Variants in FSTL4 observed in about 807,000 individuals in gnomAD.
The protein encoded by FSTL4 is follistatin-related protein 4.
FSTL4 carries 28 observed loss-of-function variants against 78.2 expected under a neutral mutation model. The observed-to-expected ratio is 0.36, with a 90% CI of 0.27 to 0.49. FSTL4 has a LOEUF of 0.49. Ranked by LOEUF, FSTL4 falls within the 20% of genes least tolerant of loss-of-function variation. FSTL4 has a pLI of 0.98. For synonymous variants in FSTL4, 422 were observed against 440.5 expected, an observed-to-expected ratio of 0.96 and a Z score of 0.53; for missense variants, 922 against 1,084.9, an observed-to-expected ratio of 0.85 and a Z score of 2.11.
At chr5:133,609,444 C>T (rs1761043322) in intron 1 of FSTL4, among the ~76,000 whole-genome samples, 1 of 152,142 alleles carries the variant, frequency 6.6e-6, no homozygotes, top group South Asian at 2.1e-4. Flanking sequence ...TCAACCCCAG[C>T]GTGAAACCAG....
At position 133,338,328 on chromosome 5, in the gene FSTL4, A is replaced by T. The variant is rs754901095; in HGVS notation, c.410-21676T>A. The stretch of plus-strand genomic sequence containing the variant: ...TCTGGACTGGCTCCTGCGGGAGAAC[A>T]CAAGAGTGGCCATGGAACTGGCCTC... On this transcript the variant is annotated intron_variant, in intron 4 of 15. Coordinates refer to ENST00000265342, the MANE Select transcript of FSTL4 (RefSeq NM_015082.2). This position sits in a 1 kb window ranked among gnomAD's most constrained non-coding sequence, Gnocchi z 4.0. Among the ~76,000 whole-genome samples the T allele has an allele frequency of 6.6e-6, 1 of 152,098 alleles. No homozygotes were observed. Among genetic ancestry groups the T allele is most frequent in the Non-Finnish European group, 1.5e-5 (1 of 68,006 alleles).
intron 6 of FSTL4, chr5:133,276,079 G>A (rs535570396): frequency 6.6e-6 from 1 of 152,310 alleles, no homozygotes; most frequent in African/African-American, 2.4e-5. Flanking sequence ...TTTTATGTTT[G>A]TACATATTTA....
At chr5:133,463,501 T>C (rs1302437080) in intron 3 of FSTL4, among the ~76,000 whole-genome samples, 1 of 152,252 alleles carries the variant, frequency 6.6e-6, no homozygotes, top group Non-Finnish European at 1.5e-5. Flanking sequence ...TCTTCACCAC[T>C]GGCCATCCAT....
At position 133,220,762 on chromosome 5, in the gene FSTL4, T is replaced by C; in HGVS notation, c.1444A>G (p.Ile482Val). The C allele has an allele frequency of 1.3e-6, 2 of 1,586,034 alleles. No individual in the cohort carries two copies. Among genetic ancestry groups the C allele is most frequent in the Non-Finnish European group, 1.7e-6 (2 of 1,154,360 alleles). The change falls in exon 12 of 16, where the codon ATT becomes GTT. Residue 482 changes from isoleucine to valine, a missense_variant. Physicochemically the swap from Ile to Val is conservative, Grantham distance 29. Transcript: ENST00000265342. ...CAGTTACTTACATAGCTCATGAAAA[T>C]CTTTTCCGTGGGTTTGAGGTGCCTC... ...IQRHLKPTEK[I>V]FMSYEEICPQ...
the FSTL4 span, among the ~76,000 whole-genome samples, chr5:133,830,124 C>A: frequency 1.3e-5 from 2 of 152,202 alleles, no homozygotes; most frequent in African/African-American, 2.4e-5. Flanking sequence ...CATCAGTGGA[C>A]AAATGGGCTA....
intron 4 of FSTL4, among the ~76,000 whole-genome samples, chr5:133,395,942 T>C (rs548429063): frequency 6.6e-6 from 1 of 152,314 alleles, no homozygotes; most frequent in South Asian, 2.1e-4. Context: ...GATTCTCCCC[T>C]TGCTTTTCTA....
At chr5:133,325,216 G>C (rs1265711991) in intron 4 of FSTL4, among the ~76,000 whole-genome samples, 1 of 152,196 alleles carries the variant, frequency 6.6e-6, no homozygotes, top group Non-Finnish European at 1.5e-5. Context: ...GATGAATTTG[G>C]CTATGGCATA....
intron 1 of FSTL4, among the ~76,000 whole-genome samples, chr5:133,606,361 C>T (rs1412122081): frequency 6.6e-6 from 1 of 152,080 alleles, no homozygotes; most frequent in Admixed American, 6.5e-5. Flanking sequence ...CTCAGGTGAT[C>T]CACCTGCTTC....
intron 3 of FSTL4, among the ~76,000 whole-genome samples, chr5:133,433,586 T>C (rs1362700636): frequency 2.0e-5 from 3 of 152,250 alleles, no homozygotes; most frequent in Non-Finnish European, 2.9e-5. Flanking sequence ...CAATGGAATT[T>C]ATATTCTCAT....
At chr5:133,618,732 A>G in the FSTL4 span, among the ~76,000 whole-genome samples, 1 of 152,368 alleles carries the variant, frequency 6.6e-6, no homozygotes, top group South Asian at 2.1e-4. Context: ...TGGCTGGCAA[A>G]TGGCAGAGCT....
At chr5:133,230,295 G>C (rs767905974) in intron 8 of FSTL4, among the ~76,000 whole-genome samples, 5 of 152,168 alleles carry the variant, frequency 3.3e-5, no homozygotes, top group Non-Finnish European at 7.3e-5. Flanking sequence ...ATCTGAGATG[G>C]GGCTGGAGGA....
chr5:133,347,779 A>G (rs1160488332), intron 4 of FSTL4, among the ~76,000 whole-genome samples: 3 of 152,212 alleles, frequency 2.0e-5, no homozygotes, highest in Non-Finnish European at 4.4e-5. Flanking sequence ...CTCCCTTACT[A>G]TTCATTAATG....
intron 12 of FSTL4, among the ~76,000 whole-genome samples, 156 bp from the exon 13 acceptor site, chr5:133,217,534 C>G (rs1233890929): frequency 1.3e-5 from 2 of 152,236 alleles, no homozygotes; most frequent in Non-Finnish European, 2.9e-5. Flanking sequence ...TCCAACATCA[C>G]TGACTTCTCA....
At chr5:133,512,606 G>A (rs1469464996) in intron 3 of FSTL4, among the ~76,000 whole-genome samples, 1 of 152,166 alleles carries the variant, frequency 6.6e-6, no homozygotes, top group Non-Finnish European at 1.5e-5. Context: ...ACTTGAATGT[G>A]TTTTTCAATC....
intron 1 of FSTL4, among the ~76,000 whole-genome samples, chr5:133,605,873 C>T (rs966067890): frequency 3.9e-5 from 6 of 152,062 alleles, no homozygotes; most frequent in Non-Finnish European, 8.8e-5. Flanking sequence ...ACAGTCTCAC[C>T]ATCAGCACCT....
chr5:133,639,855 C>G, the FSTL4 span, among the ~76,000 whole-genome samples: 1 of 152,186 alleles, frequency 6.6e-6, no homozygotes, highest in South Asian at 2.1e-4. Flanking sequence ...CCAGAGTGAT[C>G]TTTCCCACAA....
rs767645531 is a variant in FSTL4, at chr5:133,427,637, A to T, written c.161-26651T>A. On this transcript the variant is annotated intron_variant, in intron 3 of 15. Transcript: ENST00000265342. Reference sequence around the variant, plus strand: ...GTAAAAATGCAGATTCCTGGACTCCACACCCAGTGACTCTGTTCAGTAGTT... The same window carrying T: ...GTAAAAATGCAGATTCCTGGACTCCTCACCCAGTGACTCTGTTCAGTAGTT... The T allele has an allele frequency of 7.4e-5, 39 of 530,106 alleles. 1 individual carries two copies. The highest frequency in any genetic ancestry group is 5.5e-4 in the South Asian group (39 of 71,268). 32.8% of individuals were successfully genotyped at this position (530,106 alleles called of 1,614,324 possible).
intron 3 of FSTL4, among the ~76,000 whole-genome samples, chr5:133,543,217 A>T (rs919776336): frequency 6.6e-6 from 1 of 151,628 alleles, no homozygotes; most frequent in Non-Finnish European, 1.5e-5. Context: ...TGCCTGGTTA[A>T]TTTTTTTATC....
chr5:133,224,232 A>G lies in FSTL4; in HGVS notation c.1313-16T>C, dbSNP rs760498575. 1.1e-5 allele frequency: 17 copies of G among 1,609,858 alleles called. No homozygotes were observed. Among genetic ancestry groups the G allele is most frequent in the Non-Finnish European group, 1.3e-5 (15 of 1,176,342 alleles). On this transcript the variant is annotated splice_polypyrimidine_tract_variant and intron_variant, in intron 10 of 15. Coordinates refer to ENST00000265342, the MANE Select transcript of FSTL4 (RefSeq NM_015082.2). ...ATGTTTGCAACTGCAGCAGCAGAGA[A>G]TGAGGAAAGCAGGAGTGTGATGGAG...
Sources: gnomAD v4.1 joint callset for allele counts (sites outside exome capture counted in the v4.1 genomes callset) on GRCh38, gnomAD v4.1.1 for gene constraint, Gnocchi (gnomAD v3.1) non-coding constraint, MANE v1.5 for transcripts, NCBI Gene and HGNC (gene_info 2026-07-23, HGNC 2026-07-21) for gene names.